Variants in CEP85 observed in about 807,000 individuals in gnomAD.
CEP85 encodes the protein centrosomal protein 85.
Under a neutral mutation model 93.7 loss-of-function variants are expected in CEP85, and 58 were observed. The observed-to-expected ratio is 0.62, with a 90% CI of 0.50 to 0.77. The LOEUF is 0.77. Ranked by LOEUF, CEP85 falls within the 30% of genes least tolerant of loss-of-function variation. The pLI, the probability that CEP85 is intolerant of heterozygous loss-of-function variation, is 0.00. For missense variants in CEP85, 868 were observed against 922.0 expected (o/e 0.94, Z 0.76); for synonymous variants, 314 against 338.6 (o/e 0.93, Z 0.80).
At chr1:26,261,375 A>G (rs1193408454) in intron 7 of CEP85, among the ~76,000 whole-genome samples, 1 of 151,956 alleles carries the variant, frequency 6.6e-6, no homozygotes, top group Non-Finnish European at 1.5e-5. Flanking sequence ...AGGAGGCTGA[A>G]GCAGGAGAAT....
chr1:26,248,247 A>G (rs184911757), intron 3 of CEP85, among the ~76,000 whole-genome samples: 5 of 152,312 alleles, frequency 3.3e-5, no homozygotes, highest in East Asian at 3.9e-4. Context: ...GGTTTTGTCT[A>G]CATGTGCAGT....
At chr1:26,262,047 C>T (rs929109729) in intron 7 of CEP85, among the ~76,000 whole-genome samples, 2 of 152,142 alleles carry the variant, frequency 1.3e-5, no homozygotes, top group Non-Finnish European at 2.9e-5. Flanking sequence ...ATGGCTTACA[C>T]CTGTAATCCC....
intron 2 of CEP85, among the ~76,000 whole-genome samples, chr1:26,241,654 A>G (rs375992949): frequency 1.1e-4 from 17 of 152,184 alleles, no homozygotes; most frequent in African/African-American, 3.6e-4. Flanking sequence ...TGCCTTTCCT[A>G]TGGCTTTTTT....
intron 10 of CEP85, among the ~76,000 whole-genome samples, 167 bp downstream of exon 10, chr1:26,271,274 A>ATC (rs2089971228): frequency 6.6e-6 from 1 of 152,194 alleles, no homozygotes; most frequent in Non-Finnish European, 1.5e-5. Context: ...TTGTATTTAG[A>ATC]TAGTCATCCT....
rs1044573485 is a variant in CEP85, at chr1:26,277,412, A to G, written c.*119A>G. The G allele has an allele frequency of 1.0e-6, 1 of 981,354 alleles. No individual in the cohort carries two copies. The highest frequency in any genetic ancestry group is 2.6e-5 in the East Asian group (1 of 38,514). 60.8% of individuals were successfully genotyped at this position (981,354 alleles called of 1,614,324 possible). A position where few individuals can be genotyped will look rare whatever the true frequency, so the allele number is the denominator to read the frequency against. On this transcript the variant is annotated 3_prime_UTR_variant, in exon 14 of 14. Coordinates refer to ENST00000451429, the MANE Select transcript of CEP85 (RefSeq NM_001319944.2). Reference sequence around the variant, plus strand: ...AGAGAGGTCTCAGAGGGGAGGGGAGAGCCTGCATCTGGGGGCCAAGGGCTG... The same window carrying G: ...AGAGAGGTCTCAGAGGGGAGGGGAGGGCCTGCATCTGGGGGCCAAGGGCTG...
At chr1:26,245,414 G>A (rs931753077) in intron 3 of CEP85, among the ~76,000 whole-genome samples, 9 of 151,732 alleles carry the variant, frequency 5.9e-5, no homozygotes, top group African/African-American at 1.9e-4. Flanking sequence ...GCCTCCTCTT[G>A]CCTTTCCTAG....
At chr1:26,269,015 C>A (rs150434748) in intron 8 of CEP85, among the ~76,000 whole-genome samples, 18 of 152,300 alleles carry the variant, frequency 1.2e-4, no homozygotes, top group African/African-American at 3.8e-4. Flanking sequence ...TCACCTACTC[C>A]GTCCTGACTC....
In CEP85 at chr1:26,278,533, CT is replaced by C. The variant is rs1377058564; in HGVS notation, c.*1242del. ...TGCCTGGGCCTGAATGAGGCTCTTT[CT>C]TAAGTGTTTTTACAAGTTTGTGTTT... is the stretch of plus-strand genomic sequence containing the variant. On this transcript the variant is annotated 3_prime_UTR_variant, in exon 14 of 14. Transcript: ENST00000451429. 2 of 152,612 alleles carry C rather than the reference CT, an allele frequency of 1.3e-5. No individual in the cohort carries two copies. The highest frequency in any genetic ancestry group is 4.8e-5 in the African/African-American group (2 of 41,442). 9.5% of individuals were successfully genotyped at this position (152,612 alleles called of 1,614,324 possible). A position where few individuals can be genotyped will look rare whatever the true frequency, so the allele number is the denominator to read the frequency against.
At chr1:26,267,479 T>A (rs2089909786) in intron 7 of CEP85, among the ~76,000 whole-genome samples, 1 of 152,002 alleles carries the variant, frequency 6.6e-6, no homozygotes, top group Non-Finnish European at 1.5e-5. Flanking sequence ...CAGGAGACTC[T>A]CTTGAACCCA....
At chr1:26,265,761 T>C (rs2089884286) in intron 7 of CEP85, among the ~76,000 whole-genome samples, 2 of 152,206 alleles carry the variant, frequency 1.3e-5, no homozygotes, top group Non-Finnish European at 2.9e-5. Flanking sequence ...TCTCCCCTGT[T>C]CACTTTCATC....
At chr1:26,253,766 G>A (rs548864751) in intron 3 of CEP85, among the ~76,000 whole-genome samples, 1 of 151,980 alleles carries the variant, frequency 6.6e-6, no homozygotes, top group South Asian at 2.1e-4. Flanking sequence ...TTAAGGCCGG[G>A]CATGGTGGCT....
At chr1:26,264,833 C>A (rs2089868561) in intron 7 of CEP85, among the ~76,000 whole-genome samples, 1 of 152,046 alleles carries the variant, frequency 6.6e-6, no homozygotes. Flanking sequence ...TTTTGAGACA[C>A]AGTCTCGCTG....
chr1:26,235,235 G>T (rs1243152040), intron 1 of CEP85, among the ~76,000 whole-genome samples: 1 of 152,224 alleles, frequency 6.6e-6, no homozygotes, highest in Non-Finnish European at 1.5e-5. Context: ...TTGATGAATT[G>T]AACACTGGGA....
chr1:26,257,767 C>T, intron 5 of CEP85, 37 bp downstream of exon 5: 1 of 1,610,182 alleles, frequency 6.2e-7, no homozygotes, highest in Non-Finnish European at 8.5e-7. Context: ...CCAGACTACT[C>T]TCCCAGGCCC....
intron 2 of CEP85, among the ~76,000 whole-genome samples, chr1:26,241,188 T>C (rs1182430149): frequency 6.6e-6 from 1 of 150,942 alleles, no homozygotes; most frequent in African/African-American, 2.4e-5. Flanking sequence ...CTGCCTTGCA[T>C]AGAGTAGGCA....
chr1:26,266,103 G>A lies in CEP85; in HGVS notation c.1342-2380G>A, dbSNP rs377562996. 5.9e-3 allele frequency among the ~76,000 whole-genome samples: 896 copies of A among 152,192 alleles called. 9 individuals are homozygous for A. The highest frequency in any genetic ancestry group is 0.021 in the African/African-American group (873 of 41,528). ...GGACACCTGTAACCCCAGCTCCTCGGGAGGCTGAGGCAGGAGAATCGCTTG... is the reference window on the plus strand; with the variant it reads ...GGACACCTGTAACCCCAGCTCCTCGAGAGGCTGAGGCAGGAGAATCGCTTG... On this transcript the variant is annotated intron_variant, in intron 7 of 13. Coordinates refer to ENST00000451429, the MANE Select transcript of CEP85 (RefSeq NM_001319944.2).
intron 7 of CEP85, among the ~76,000 whole-genome samples, chr1:26,262,276 C>A (rs2089821665): frequency 6.6e-6 from 1 of 152,010 alleles, no homozygotes; most frequent in Non-Finnish European, 1.5e-5. Context: ...CACTGCACTT[C>A]CAGCCTGGCA....
chr1:26,258,229 C>G lies in CEP85; in HGVS notation c.1124C>G (p.Pro375Arg), dbSNP rs747304339. 4 of 1,613,930 alleles carry G rather than the reference C, an allele frequency of 2.5e-6. No homozygotes were observed. Among genetic ancestry groups the G allele is most frequent in the Non-Finnish European group, 2.5e-6 (3 of 1,179,834 alleles). The change falls in exon 6 of 14, where the codon CCC (proline) becomes CGC (arginine). Residue 375 changes from proline (P) to arginine (R), a missense_variant. Coordinates refer to ENST00000451429, the MANE Select transcript of CEP85 (RefSeq NM_001319944.2). ...VHSALLGRPAPFGDVCLLRLQ... is the reference protein window; with the variant it reads ...VHSALLGRPARFGDVCLLRLQ... ...AGTGCCCTCTTGGGCCGCCCTGCCC[C>G]CTTTGGTGATGTCTGCTTGCTGAGG...
chr1:26,249,247 A>G (rs2089565398), intron 3 of CEP85, among the ~76,000 whole-genome samples: 1 of 152,048 alleles, frequency 6.6e-6, no homozygotes, highest in Non-Finnish European at 1.5e-5. Context: ...ACACCCAGCT[A>G]ATTTTTGTAT....
Sources: gnomAD v4.1 joint callset for allele counts (sites outside exome capture counted in the v4.1 genomes callset) on GRCh38, gnomAD v4.1.1 for gene constraint, MANE v1.5 for transcripts, NCBI Gene and HGNC (gene_info 2026-07-23, HGNC 2026-07-21) for gene names.